The following LRRC7 variants were observed in gnomAD, a reference collection of about 807,000 sequenced individuals.
LRRC7 encodes the protein leucine rich repeat containing 7.
Under a neutral mutation model 175.7 loss-of-function variants are expected in LRRC7, and 23 were observed. That is an observed-to-expected ratio of 0.13 (90% confidence interval 0.09 to 0.19). LRRC7 has a LOEUF of 0.19. LRRC7 is among the 10% of genes least tolerant of loss of function. The pLI, the probability that LRRC7 is intolerant of heterozygous loss-of-function variation, is 1.00. For missense variants in LRRC7, 1,354 were observed against 1,904.7 expected (o/e 0.71, Z 5.38); for synonymous variants, 685 against 680.9 (o/e 1.01, Z -0.09).
At chr1:69,783,753 CAAAAAAAAAA>C (rs10712087) in intron 3 of LRRC7, among the ~76,000 whole-genome samples, 3 of 84,718 alleles carry the variant, frequency 3.5e-5, no homozygotes, top group African/African-American at 9.0e-5. Flanking sequence ...CTCCCCATCT[CAAAAAAAAAA>C]AAAAAAAAAA....
intron 18 of LRRC7, among the ~76,000 whole-genome samples, chr1:70,034,383 A>C (rs1023855698): frequency 1.3e-5 from 2 of 151,518 alleles, no homozygotes; most frequent in Admixed American, 1.3e-4. Flanking sequence ...TAAAAAAAAA[A>C]GTCAGCGATT....
intron 1 of LRRC7, among the ~76,000 whole-genome samples, chr1:69,572,369 T>C (rs1645773565): frequency 6.6e-6 from 1 of 152,166 alleles, no homozygotes; most frequent in South Asian, 2.1e-4. Flanking sequence ...TTATATAAGC[T>C]ATTGTAATTA....
At chr1:69,800,504 T>C (rs1676345320) in intron 4 of LRRC7, among the ~76,000 whole-genome samples, 1 of 151,992 alleles carries the variant, frequency 6.6e-6, no homozygotes, top group African/African-American at 2.4e-5. Flanking sequence ...TTTGCAGCTA[T>C]TGTAAATGGG....
chr1:69,814,080 G>A (rs908161101), intron 4 of LRRC7, among the ~76,000 whole-genome samples: 1 of 151,924 alleles, frequency 6.6e-6, no homozygotes, highest in African/African-American at 2.4e-5. Context: ...TTGTTTCTGA[G>A]GACCAGACAG....
At chr1:69,947,418 G>A (rs7548343) in intron 8 of LRRC7, among the ~76,000 whole-genome samples, 4,413 of 151,372 alleles carry the variant, frequency 0.029, 207 homozygotes, top group African/African-American at 0.1. Context: ...TTTCTTTTGT[G>A]TATCATCAAT....
At chr1:69,708,620 T>A (rs148083510) in intron 2 of LRRC7, among the ~76,000 whole-genome samples, 86 of 152,318 alleles carry the variant, frequency 5.6e-4, no homozygotes, top group Non-Finnish European at 9.4e-4. Flanking sequence ...AGGCCAAATG[T>A]GTGAGCATTG....
rs537490165 is a variant in LRRC7 at position 70,133,739 on chromosome 1, T to G, written c.*11852T>G. ...CTCAGTGAGGCTTGATTGTTTAAAG[T>G]TTTGATGTTCCTTAATTGTTCAGTT... On this transcript the variant is annotated 3_prime_UTR_variant, in exon 27 of 27. Coordinates refer to ENST00000651989, the MANE Select transcript of LRRC7 (RefSeq NM_001370785.2). 1.3e-5 allele frequency among the ~76,000 whole-genome samples: 2 copies of G among 152,254 alleles called. No individual in the cohort carries two copies. Among genetic ancestry groups the G allele is most frequent in the South Asian group, 4.2e-4 (2 of 4,818 alleles).
chr1:69,732,984 A>G (rs1382959595), intron 2 of LRRC7, among the ~76,000 whole-genome samples: 5 of 152,042 alleles, frequency 3.3e-5, no homozygotes, highest in African/African-American at 1.2e-4. Context: ...GATTTCTAGA[A>G]GAGATTCAGT....
At chr1:69,745,264 A>G (rs576262138) in intron 2 of LRRC7, among the ~76,000 whole-genome samples, 1 of 152,110 alleles carries the variant, frequency 6.6e-6, no homozygotes, top group African/African-American at 2.4e-5. Context: ...GGCATAACAA[A>G]TAAAGATACA....
At chr1:69,584,295 G>T (rs1039209394) in intron 1 of LRRC7, among the ~76,000 whole-genome samples, 9 of 148,764 alleles carry the variant, frequency 6.0e-5, no homozygotes, top group Admixed American at 5.3e-4. Context: ...AGACTTGGAA[G>T]TTTTACTACT....
At chr1:69,635,191 T>G (rs562134364) in intron 1 of LRRC7, among the ~76,000 whole-genome samples, 1 of 152,056 alleles carries the variant, frequency 6.6e-6, no homozygotes, top group Non-Finnish European at 1.5e-5. Flanking sequence ...GGTTTTCTGT[T>G]CCTGTGTTCA....
At chr1:70,059,435 A>T (rs914618811) in intron 23 of LRRC7, among the ~76,000 whole-genome samples, 3 of 151,640 alleles carry the variant, frequency 2.0e-5, no homozygotes, top group Non-Finnish European at 2.9e-5. Context: ...CATCTCTGAG[A>T]CATGCCTAGG....
chr1:69,738,820 T>G (rs947608218), intron 2 of LRRC7, among the ~76,000 whole-genome samples: 1 of 151,416 alleles, frequency 6.6e-6, no homozygotes, highest in South Asian at 2.1e-4. Context: ...GCAGACGGAG[T>G]AGAAAAAAAA....
At chr1:69,593,219 A>C (rs992076850) in intron 1 of LRRC7, among the ~76,000 whole-genome samples, 4 of 152,140 alleles carry the variant, frequency 2.6e-5, no homozygotes, top group Middle Eastern at 3.2e-3. Context: ...AATTATTAAG[A>C]AATCTCATTA....
intron 4 of LRRC7, 96 bp downstream of exon 4, chr1:69,792,256 C>A (rs1675214466): frequency 3.9e-6 from 3 of 762,264 alleles, no homozygotes; most frequent in Non-Finnish European, 6.5e-6. Flanking sequence ...ATAACTTTTT[C>A]TTTGATTTTG....
intron 7 of LRRC7, among the ~76,000 whole-genome samples, chr1:69,930,422 A>T (rs1331964398): frequency 6.6e-6 from 1 of 152,196 alleles, no homozygotes; most frequent in Admixed American, 6.5e-5. Flanking sequence ...CTAAGATTTC[A>T]ATCAATGGTG....
intron 2 of LRRC7, among the ~76,000 whole-genome samples, chr1:69,692,058 G>GATA (rs1661957598): frequency 3.9e-5 from 6 of 152,106 alleles, no homozygotes; most frequent in Non-Finnish European, 7.3e-5. Flanking sequence ...CAACTATGGG[G>GATA]TTTTTCATAA....
chr1:69,697,113 C>G (rs1319966746), intron 2 of LRRC7, among the ~76,000 whole-genome samples: 1 of 152,194 alleles, frequency 6.6e-6, no homozygotes, highest in Non-Finnish European at 1.5e-5. Flanking sequence ...TAATTTGTCT[C>G]ATAAAATCTC....
chr1:69,734,613 T>A (rs1667918157), intron 2 of LRRC7, among the ~76,000 whole-genome samples: 1 of 151,990 alleles, frequency 6.6e-6, no homozygotes, highest in South Asian at 2.1e-4. Flanking sequence ...CTAAATTTTC[T>A]TTGCTTTTAT....
Sources: gnomAD v4.1 joint callset for allele counts (sites outside exome capture counted in the v4.1 genomes callset) on GRCh38, gnomAD v4.1.1 for gene constraint, MANE v1.5 for transcripts, NCBI Gene and HGNC (gene_info 2026-07-23, HGNC 2026-07-21) for gene names.